The following IL31RA variants were observed in gnomAD, a reference collection of about 807,000 sequenced individuals.
The protein encoded by IL31RA is interleukin 31 receptor A, also known as interleukin-31 receptor subunit alpha.
Under a neutral mutation model 83.7 loss-of-function variants are expected in IL31RA, and 66 were observed. That is an observed-to-expected ratio of 0.79 (90% CI 0.65 to 0.97). IL31RA has a LOEUF of 0.97. Ranked by LOEUF, IL31RA falls within the 50% of genes least tolerant of loss-of-function variation. The pLI, the probability that IL31RA is intolerant of heterozygous loss-of-function variation, is 0.00. For synonymous variants in IL31RA, 325 were observed against 329.0 expected, an observed-to-expected ratio of 0.99 and a Z score of 0.13; for missense variants, 798 against 919.4, an observed-to-expected ratio of 0.87 and a Z score of 1.71.
Position 55,853,083 on chromosome 5 carries a change from G to C in IL31RA, c.63+1450G>C, listed in dbSNP as rs529018881. The stretch of plus-strand genomic sequence containing the variant: ...AAGAATTTGTAAGCCTCTTTTTGGA[G>C]TCAGCTACCATTATTTTCTTTCCTT... On this transcript the variant is annotated intron_variant, in intron 1 of 14. Coordinates refer to ENST00000652347, the MANE Select transcript of IL31RA (RefSeq NM_139017.7). 2.6e-5 allele frequency among the ~76,000 whole-genome samples: 4 copies of C among 152,122 alleles called. No individual in the cohort carries two copies. The South Asian group carries it at 8.3e-4, about 31-fold the overall frequency.
chr5:55,919,110 C>CAGATTCATGAACATATGGGGAA lies in IL31RA; in HGVS notation c.*2011_*2012insAAGATTCATGAACATATGGGGA. On this transcript the variant is annotated 3_prime_UTR_variant, in exon 15 of 15. Coordinates refer to ENST00000652347, the MANE Select transcript of IL31RA (RefSeq NM_139017.7). ...ATGGGGCCTTTGGCAACCCCACCTT[C>CAGATTCATGAACATATGGGGAA]AGATTCATGAACATATGGGGAGATT... Among the ~76,000 whole-genome samples the CAGATTCATGAACATATGGGGAA allele has an allele frequency of 6.6e-6, 1 of 152,284 alleles. No homozygotes were observed. Among genetic ancestry groups the CAGATTCATGAACATATGGGGAA allele is most frequent in the Admixed American group, 6.5e-5 (1 of 15,306 alleles).
At chr5:55,846,714 T>C (rs768242280), upstream of IL31RA, among the ~76,000 whole-genome samples, 10 of 152,068 alleles carry the variant, frequency 6.6e-5, no homozygotes, top group Non-Finnish European at 1.5e-4. Context: ...GGAGACTCGC[T>C]TGAACCCGGG....
At position 55,864,907 on chromosome 5, in the gene IL31RA, A is replaced by G. The variant is rs1212541543; in HGVS notation, c.155-3884A>G. Among the ~76,000 whole-genome samples, 6 of 151,902 alleles carry G rather than the reference A, an allele frequency of 3.9e-5. No homozygotes were observed. The East Asian group carries it at 7.7e-4, about 20-fold the overall frequency. On this transcript the variant is annotated intron_variant, in intron 2 of 14. Coordinates refer to ENST00000652347, the MANE Select transcript of IL31RA (RefSeq NM_139017.7). ...CATACACACCGCACACTACACACAC[A>G]CCCCATACACACACATGCACTGTAC...
Position 55,914,926 on chromosome 5 carries a change from A to G in IL31RA, c.1816A>G (p.Lys606Glu), listed in dbSNP as rs2112589848. ...SIATWHGDDF[K>E]DKLNLKESDD... The stretch of plus-strand genomic sequence containing the variant: ...AGCCACATGGCATGGAGATGATTTC[A>G]AGGTAAACTCTCCTGTTTTTATTAA... The change falls in exon 14 of 15, where the codon AAG (lysine) becomes GAG (glutamate). Residue 606 changes from lysine (K) to glutamate (E), a missense_variant and splice_region_variant. Physicochemically the swap from Lys to Glu is moderately conservative, Grantham distance 56 (BLOSUM62 1). Transcript: ENST00000652347. 3 of 1,607,566 alleles carry G rather than the reference A, an allele frequency of 1.9e-6. No homozygotes were observed. In the Middle Eastern group the frequency reaches 5.0e-4, roughly 266 times the overall value.
At chr5:55,897,686 A>C (rs1162813102) in intron 7 of IL31RA, among the ~76,000 whole-genome samples, 1 of 152,178 alleles carries the variant, frequency 6.6e-6, no homozygotes, top group Non-Finnish European at 1.5e-5. Context: ...AAGAGGGAAG[A>C]GGACCTGAGA....
intron 11 of IL31RA, among the ~76,000 whole-genome samples, chr5:55,909,551 T>G (rs922554436): frequency 6.6e-6 from 1 of 152,214 alleles, no homozygotes; most frequent in Non-Finnish European, 1.5e-5. Flanking sequence ...AGAGTTTTCA[T>G]TTCCCTGCAT....
chr5:55,906,128 G>T lies in IL31RA; in HGVS notation c.1092G>T (p.Met364Ile). The change falls in exon 9 of 15, where the codon ATG (methionine) becomes ATT (isoleucine). Residue 364 changes from methionine (M) to isoleucine (I), a missense_variant. By Grantham distance (10) the Met-to-Ile change is conservative. Transcript: ENST00000652347. ...CAGCATTTCAGTGCATTGAGGTCATGCAGGCCTGCGTTGCTGAGGACCAGC... is the reference window on the plus strand; with the variant it reads ...CAGCATTTCAGTGCATTGAGGTCATTCAGGCCTGCGTTGCTGAGGACCAGC... ...QEKSFQCIEV[M>I]QACVAEDQLV... 2 of 1,613,594 alleles carry T rather than the reference G, an allele frequency of 1.2e-6. No homozygotes were observed. Among genetic ancestry groups the T allele is most frequent in the East Asian group, 2.2e-5 (1 of 44,878 alleles).
chr5:55,904,837 T>TTC (rs1475622718), intron 8 of IL31RA, among the ~76,000 whole-genome samples: 11 of 145,382 alleles, frequency 7.6e-5, no homozygotes, highest in African/African-American at 2.0e-4. Flanking sequence ...TTGGGTTTCT[T>TTC]TTTTTTTTTT....
At chr5:55,915,075 G>T (rs1244845101) in intron 14 of IL31RA, 147 bp downstream of exon 14, 3 of 712,058 alleles carry the variant, frequency 4.2e-6, no homozygotes, top group Non-Finnish European at 7.6e-6. Flanking sequence ...ATGGCAGGCA[G>T]GGCAGATGGA....
At chr5:55,855,518 G>A (rs568827080) in intron 1 of IL31RA, among the ~76,000 whole-genome samples, 11 of 152,230 alleles carry the variant, frequency 7.2e-5, no homozygotes, top group South Asian at 2.1e-4. Flanking sequence ...GGAAAATCAC[G>A]TAGTGGTACA....
chr5:55,876,551 T>A (rs1440884729), intron 4 of IL31RA, among the ~76,000 whole-genome samples: 1 of 152,248 alleles, frequency 6.6e-6, no homozygotes, highest in Non-Finnish European at 1.5e-5. Flanking sequence ...GTTAGTGGTA[T>A]CTAAATAAAT....
At chr5:55,890,176 G>A (rs1747899652) in intron 6 of IL31RA, 41 bp downstream of exon 6, 2 of 1,601,258 alleles carry the variant, frequency 1.2e-6, no homozygotes, top group South Asian at 1.1e-5. Flanking sequence ...CTGCTCTGGT[G>A]TAGGGCTGCT....
rs1196173990 is a variant in IL31RA, at chr5:55,913,544, A to T, written c.1710A>T (p.Thr570=). Residue 570 remains threonine, a synonymous_variant, in exon 13 of 15, where the codon ACA becomes ACT. Coordinates refer to ENST00000652347, the MANE Select transcript of IL31RA (RefSeq NM_139017.7). ...GCCTTCTTATTCTCATTATCCTGAC[A>T]GTGGCATATGGTCTCAAAAAACCCA... ...GGGLLILIIL[T]VAYGLKKPNK... The T allele has an allele frequency of 1.2e-6, 2 of 1,613,140 alleles. No individual in the cohort carries two copies. Among genetic ancestry groups the T allele is most frequent in the Admixed American group, 3.3e-5 (2 of 60,020 alleles).
chr5:55,877,099 G>A (rs982083207), intron 4 of IL31RA, among the ~76,000 whole-genome samples: 4 of 151,520 alleles, frequency 2.6e-5, no homozygotes, highest in Non-Finnish European at 5.9e-5. Flanking sequence ...TTGTGGTGAC[G>A]TGTTTTGATT....
intron 2 of IL31RA, among the ~76,000 whole-genome samples, chr5:55,867,217 GTGTTTGTGTGTGTGTTTGTGTGTGTGTT>G (rs1746183809): frequency 8.0e-6 from 1 of 124,998 alleles, no homozygotes; most frequent in African/African-American, 4.2e-5. Flanking sequence ...GTGCGCATGT[GTGTTTGTGTGTGTGTTTGTGTGTGTGTT>G]TGTGTGTGCG....
intron 3 of IL31RA, among the ~76,000 whole-genome samples, chr5:55,870,379 C>G (rs1234107464): frequency 1.3e-5 from 2 of 152,114 alleles, no homozygotes; most frequent in Admixed American, 6.5e-5. Context: ...TTTGCTTATC[C>G]CTGTTTTAGA....
chr5:55,867,208 TGCGCA>T (rs1561543343), intron 2 of IL31RA, among the ~76,000 whole-genome samples: 1,752 of 93,900 alleles, frequency 0.019, 75 homozygotes, highest in African/African-American at 0.059. Context: ...TTTGTGTGTG[TGCGCA>T]TGTGTGTTTG....
chr5:55,897,269 T>C (rs1748462090), intron 7 of IL31RA, among the ~76,000 whole-genome samples: 2 of 151,122 alleles, frequency 1.3e-5, no homozygotes, highest in Admixed American at 6.6e-5. Context: ...AAATCTCACA[T>C]TGGTTGGCCA....
At position 55,913,348 on chromosome 5, in the gene IL31RA, T is replaced by C. The variant is rs111745197; in HGVS notation, c.1643-129T>C. The C allele has an allele frequency of 1.5e-4, 105 of 720,854 alleles. No homozygotes were observed. In the African/African-American group the frequency reaches 1.5e-3, roughly 11 times the overall value. The allele number at this position is 720,854 out of a possible 1,614,324, so 44.7% of individuals were successfully genotyped here. A position where few individuals can be genotyped will look rare whatever the true frequency, so the allele number is the denominator to read the frequency against. On this transcript the variant is annotated intron_variant, in intron 12 of 14. Transcript: ENST00000652347. ...CTGGGGTTTTTTTAGTGGAAAGAAATTGAATTTAACTGAAAGAAAACTAAT... is the reference window on the plus strand; with the variant it reads ...CTGGGGTTTTTTTAGTGGAAAGAAACTGAATTTAACTGAAAGAAAACTAAT...
Sources: allele counts gnomAD v4.1 joint callset (sites outside exome capture counted in the v4.1 genomes callset), GRCh38; gene constraint gnomAD v4.1.1; transcripts MANE v1.5; gene names NCBI Gene and HGNC (gene_info 2026-07-23, HGNC 2026-07-21).